ATRN: variants seen among roughly 807,000 people sequenced by gnomAD.
The protein encoded by ATRN is attractin.
In ATRN, 54 loss-of-function variants were observed where a neutral mutation model predicts 178.7. The observed-to-expected ratio is 0.30, with a 90% CI of 0.24 to 0.38. ATRN has a LOEUF of 0.38. ATRN is among the 10% of genes least tolerant of loss of function. The pLI, the probability that ATRN is intolerant of heterozygous loss-of-function variation, is 1.00. For synonymous variants in ATRN, 636 were observed against 663.0 expected (o/e 0.96, Z 0.63); for missense variants, 1,443 against 1,815.1 (o/e 0.79, Z 3.73).
At chr20:3,646,692 CA>C in intron 28 of ATRN, 30 bp from the exon 29 acceptor site, 1 of 1,556,612 alleles carries the variant, frequency 6.4e-7, no homozygotes, top group Non-Finnish European at 8.7e-7. Context: ...CAGCTGCTCC[CA>C]GCATATGTTC....
chr20:3,475,194 G>A (rs2084508144), intron 1 of ATRN, among the ~76,000 whole-genome samples: 1 of 152,134 alleles, frequency 6.6e-6, no homozygotes, highest in South Asian at 2.1e-4. Flanking sequence ...ATGGCATCAA[G>A]TTGGAGTGTT....
chr20:3,646,558 A>G (rs1440905110), intron 28 of ATRN, among the ~76,000 whole-genome samples, 165 bp from the exon 29 acceptor site: 1 of 152,202 alleles, frequency 6.6e-6, no homozygotes, highest in Admixed American at 6.5e-5. Context: ...GGTGGAAGGA[A>G]GACTTTTCCC....
chr20:3,537,650 A>G (rs947750437), intron 2 of ATRN, among the ~76,000 whole-genome samples: 3 of 150,486 alleles, frequency 2.0e-5, no homozygotes, highest in African/African-American at 7.3e-5. Flanking sequence ...CCCTAATGCT[A>G]TCCCTCCCCA....
chr20:3,618,675 A>G (rs571293696), intron 24 of ATRN, among the ~76,000 whole-genome samples: 4 of 152,202 alleles, frequency 2.6e-5, no homozygotes, highest in Non-Finnish European at 5.9e-5. Context: ...GCTGAATGGC[A>G]TTAACTGGCC....
chr20:3,638,737 G>T lies in ATRN; in HGVS notation c.3943-91G>T, dbSNP rs6051991. ...TTTTGGACTTGATTTGTTTGAATCA[G>T]GGAGGATGAGGTGTTTTTAACATGT... On this transcript the variant is annotated intron_variant, in intron 26 of 28. Transcript: ENST00000262919. This position sits in a 1 kb window ranked among gnomAD's most constrained non-coding sequence, Gnocchi z 4.5. 0.078 allele frequency: 80,896 copies of T among 1,034,302 alleles called. 6,852 individuals carry two copies. The highest frequency in any genetic ancestry group is 0.4 in the African/African-American group (24,681 of 62,238). The allele number at this position is 1,034,302 out of a possible 1,614,324, so 64.1% of individuals were successfully genotyped here.
intron 19 of ATRN, among the ~76,000 whole-genome samples, chr20:3,594,224 A>G (rs1402233659): frequency 6.6e-6 from 1 of 152,218 alleles, no homozygotes; most frequent in East Asian, 1.9e-4. Context: ...AAAAGATCAA[A>G]ATAGTCATTG....
At chr20:3,630,553 C>A (rs972109611) in intron 25 of ATRN, among the ~76,000 whole-genome samples, 4 of 152,164 alleles carry the variant, frequency 2.6e-5, no homozygotes, top group Admixed American at 6.5e-5. Flanking sequence ...TCCTTAAATT[C>A]TTGGAGCATG....
intron 24 of ATRN, among the ~76,000 whole-genome samples, chr20:3,619,072 G>A (rs758629119): frequency 2.0e-5 from 3 of 152,174 alleles, no homozygotes; most frequent in African/African-American, 4.8e-5. Context: ...CCAGGGGGTC[G>A]TTGGGAGCCT....
At chr20:3,552,237 T>G (rs577079094) in intron 6 of ATRN, among the ~76,000 whole-genome samples, 2 of 152,348 alleles carry the variant, frequency 1.3e-5, no homozygotes, top group Admixed American at 6.5e-5. Flanking sequence ...ATTCACTCTT[T>G]TGGTGACCTC....
intron 1 of ATRN, among the ~76,000 whole-genome samples, chr20:3,479,699 C>T (rs1402248288): frequency 5.3e-5 from 8 of 152,206 alleles, no homozygotes; most frequent in African/African-American, 7.2e-5. Flanking sequence ...AATCAAGGTA[C>T]TGGCAGGGCC....
In ATRN at chr20:3,471,242, C is replaced by G. The variant is rs1002500321; in HGVS notation, c.135C>G (p.Ala45=). 1.8e-5 allele frequency: 26 copies of G among 1,444,460 alleles called. No individual in the cohort carries two copies. The African/African-American group carries it at 3.6e-4, about 20-fold the overall frequency. 89.5% of individuals were successfully genotyped at this position (1,444,460 alleles called of 1,614,324 possible). A position where few individuals can be genotyped will look rare whatever the true frequency, so the allele number is the denominator to read the frequency against. Residue 45 remains alanine (A), a synonymous_variant, in exon 1 of 29, where the codon GCC becomes GCG. Transcript: ENST00000262919. ...VTRAGRPGLG[A]GLRLPRLLSP... The stretch of plus-strand genomic sequence containing the variant: ...GGGCTGGGAGGCCGGGGCTGGGGGC[C>G]GGGCTGCGCCTCCCGCGGCTGCTGT...
rs996746034 is a variant in ATRN at position 3,628,988 on chromosome 20, A to G, written c.3863+4416A>G. The G allele has an allele frequency of 1.2e-5, 12 of 985,166 alleles. No individual in the cohort carries two copies. The African/African-American group carries it at 1.6e-4, about 13-fold the overall frequency. The allele number at this position is 985,166 out of a possible 1,614,324, so 61.0% of individuals were successfully genotyped here. ...AGCACGACATGCCCAGAAGTGACCA[A>G]TTCCATCCTTCCTCACCGGTGTTCC... On this transcript the variant is annotated intron_variant, in intron 25 of 28. Coordinates refer to ENST00000262919, the MANE Select transcript of ATRN (RefSeq NM_139321.3).
chr20:3,557,224 C>T (rs1389647450), intron 6 of ATRN, among the ~76,000 whole-genome samples: 1 of 151,894 alleles, frequency 6.6e-6, no homozygotes, highest in Non-Finnish European at 1.5e-5. Flanking sequence ...AATATCATGT[C>T]ATAAAAAAAA....
chr20:3,634,983 A>G (rs1478539926), intron 26 of ATRN, among the ~76,000 whole-genome samples: 1 of 152,168 alleles, frequency 6.6e-6, no homozygotes, highest in Non-Finnish European at 1.5e-5. Flanking sequence ...ATGCCCATCA[A>G]TCAATGAGTG....
chr20:3,508,879 A>G (rs1048514795), intron 1 of ATRN, among the ~76,000 whole-genome samples: 44 of 152,342 alleles, frequency 2.9e-4, no homozygotes, highest in Admixed American at 2.2e-3. Context: ...AGGAAATGGT[A>G]TAAGTACTAA....
chr20:3,561,868 C>T (rs1333327918), intron 8 of ATRN, among the ~76,000 whole-genome samples: 2 of 152,144 alleles, frequency 1.3e-5, no homozygotes, highest in African/African-American at 4.8e-5. Flanking sequence ...GCTGGGACTA[C>T]AGGTGCGTGC....
chr20:3,640,203 A>G (rs1029082340), intron 27 of ATRN, among the ~76,000 whole-genome samples: 17 of 152,278 alleles, frequency 1.1e-4, no homozygotes, highest in Non-Finnish European at 2.2e-4. Flanking sequence ...AATGAAAAAT[A>G]TACTTGTTGA....
chr20:3,555,650 G>A (rs566888515), intron 6 of ATRN, among the ~76,000 whole-genome samples: 1 of 152,296 alleles, frequency 6.6e-6, no homozygotes, highest in East Asian at 1.9e-4. Flanking sequence ...GACTTCAGAA[G>A]AGTAGATAGA....
chr20:3,568,289 CAAAA>C (rs753556911), intron 11 of ATRN, among the ~76,000 whole-genome samples: 2 of 118,490 alleles, frequency 1.7e-5, no homozygotes, highest in Admixed American at 8.5e-5. Flanking sequence ...GAGACTGTGT[CAAAA>C]AAAAAAAAAA....
Sources: allele counts gnomAD v4.1 joint callset (sites outside exome capture counted in the v4.1 genomes callset), GRCh38; gene constraint gnomAD v4.1.1; non-coding constraint Gnocchi (gnomAD v3.1); transcripts MANE v1.5; gene names NCBI Gene and HGNC (gene_info 2026-07-23, HGNC 2026-07-21).